CPO: variants seen among roughly 807,000 people sequenced by gnomAD.
The protein encoded by CPO is carboxypeptidase O, also known as metallocarboxypeptidase C.
CPO carries 43 observed loss-of-function variants against 41.2 expected under a neutral mutation model. The observed-to-expected ratio is 1.04, with a 90% confidence interval of 0.82 to 1.35. The LOEUF is 1.35. CPO is among the 40% of genes most tolerant of loss of function. The probability of loss-of-function intolerance (pLI) is 0.00; values close to 1 mark genes in which losing one functional copy is unlikely to be tolerated. For missense variants in CPO, 408 were observed against 451.7 expected (o/e 0.90, Z 0.88); for synonymous variants, 178 against 162.7 (o/e 1.09, Z -0.72).
chr2:206,958,900 C>T (rs1693425696), intron 4 of CPO, among the ~76,000 whole-genome samples: 1 of 151,722 alleles, frequency 6.6e-6, no homozygotes, highest in African/African-American at 2.4e-5. Context: ...CACCACCATG[C>T]CCAGCTAATT....
chr2:206,968,096 T>C (rs948028773), intron 7 of CPO, among the ~76,000 whole-genome samples, 167 bp from the exon 8 acceptor site: 2 of 152,146 alleles, frequency 1.3e-5, no homozygotes, highest in African/African-American at 4.8e-5. Flanking sequence ...CTGGATAAAG[T>C]GTGCTGAATC....
At chr2:206,942,796 G>A (rs1693053395) in intron 1 of CPO, among the ~76,000 whole-genome samples, 1 of 152,140 alleles carries the variant, frequency 6.6e-6, no homozygotes, top group South Asian at 2.1e-4. Flanking sequence ...TAGAAACAGA[G>A]AATAGCCTTT....
At chr2:206,946,628 T>A (rs376029233) in intron 1 of CPO, among the ~76,000 whole-genome samples, 2 of 151,896 alleles carry the variant, frequency 1.3e-5, no homozygotes, top group Admixed American at 6.6e-5. Context: ...GACAAGAAAA[T>A]AAAATAAAAA....
chr2:206,958,450 A>G, intron 4 of CPO, 45 bp downstream of exon 4: 1 of 1,043,768 alleles, frequency 9.6e-7, no homozygotes, highest in Non-Finnish European at 1.4e-6. Flanking sequence ...ACCCCCATAA[A>G]ATATCTGTCA....
intron 1 of CPO, among the ~76,000 whole-genome samples, chr2:206,940,461 A>G (rs1693007762): frequency 6.6e-6 from 1 of 152,092 alleles, no homozygotes; most frequent in Non-Finnish European, 1.5e-5. Flanking sequence ...TAAAAAATAC[A>G]CATTGTTGAC....
At chr2:206,957,610 G>GT (rs1693394615) in intron 3 of CPO, among the ~76,000 whole-genome samples, 1 of 152,136 alleles carries the variant, frequency 6.6e-6, no homozygotes, top group African/African-American at 2.4e-5. Flanking sequence ...CAAAACAGAT[G>GT]TGACTGTTCC....
Position 206,939,913 on chromosome 2 carries a change from G to A in CPO, c.68+246G>A, listed in dbSNP as rs533336364. 2.0e-5 allele frequency among the ~76,000 whole-genome samples: 3 copies of A among 152,024 alleles called. No homozygotes were observed. In the East Asian group the frequency reaches 5.8e-4, roughly 29 times the overall value. Reference sequence around the variant, plus strand: ...ACACAATGCATGAGATATACAAATAGACATGTCATGTTTTGTGATTGGAAA... The same window carrying A: ...ACACAATGCATGAGATATACAAATAAACATGTCATGTTTTGTGATTGGAAA... On this transcript the variant is annotated intron_variant, in intron 1 of 8. Coordinates refer to ENST00000272852, the MANE Select transcript of CPO (RefSeq NM_173077.3).
At chr2:206,943,415 A>G (rs1693064918) in intron 1 of CPO, among the ~76,000 whole-genome samples, 1 of 152,090 alleles carries the variant, frequency 6.6e-6, no homozygotes, top group African/African-American at 2.4e-5. Context: ...TCCTCTTTCC[A>G]TTCTGAGAAA....
Position 206,960,751 on chromosome 2 carries a change from T to C in CPO, c.484-101T>C, listed in dbSNP as rs1158240416. On this transcript the variant is annotated intron_variant, in intron 5 of 8. Transcript: ENST00000272852. The stretch of plus-strand genomic sequence containing the variant: ...GTTAAAGGGAAGTTCTTCCAGATAA[T>C]CCTAGGAAACATTTTTCATGTTCAA... 5 of 855,936 alleles carry C rather than the reference T, an allele frequency of 5.8e-6. No homozygotes were observed. In the East Asian group the frequency reaches 1.2e-4, roughly 21 times the overall value. 53.0% of individuals were successfully genotyped at this position (855,936 alleles called of 1,614,324 possible). A position where few individuals can be genotyped will look rare whatever the true frequency, so the allele number is the denominator to read the frequency against.
intron 1 of CPO, among the ~76,000 whole-genome samples, chr2:206,942,470 T>G (rs1693047748): frequency 6.6e-6 from 1 of 152,152 alleles, no homozygotes; most frequent in African/African-American, 2.4e-5. Context: ...CATGAAATAT[T>G]CATGTAACTA....
chr2:206,958,440 AC>A, intron 4 of CPO, 35 bp downstream of exon 4: 1 of 1,155,292 alleles, frequency 8.7e-7, no homozygotes, highest in Non-Finnish European at 1.3e-6. Context: ...CTGGTAAATC[AC>A]CCCCATAAAA....
At chr2:206,957,131 A>C (rs1335685912) in intron 3 of CPO, among the ~76,000 whole-genome samples, 2 of 152,172 alleles carry the variant, frequency 1.3e-5, no homozygotes, top group Non-Finnish European at 2.9e-5. Flanking sequence ...TAATCCCAGC[A>C]CTTTGGGAGG....
At chr2:206,962,712 T>G in intron 7 of CPO, 98 bp downstream of exon 7, 1 of 930,986 alleles carries the variant, frequency 1.1e-6, no homozygotes, top group South Asian at 1.4e-5. Flanking sequence ...CCAGCCACCC[T>G]TTTGTTCTCT....
chr2:206,953,719 C>A (rs1312077456), intron 2 of CPO, among the ~76,000 whole-genome samples: 1 of 152,248 alleles, frequency 6.6e-6, no homozygotes, highest in Non-Finnish European at 1.5e-5. Context: ...AGTGGAGTTC[C>A]AACCCCACAT....
At chr2:206,965,752 G>C (rs189057510) in intron 7 of CPO, among the ~76,000 whole-genome samples, 1 of 152,168 alleles carries the variant, frequency 6.6e-6, no homozygotes, top group Admixed American at 6.5e-5. Context: ...TAAGCGGGCC[G>C]GAGGTTTTTA....
chr2:206,941,393 A>T (rs1574343605), intron 1 of CPO, among the ~76,000 whole-genome samples: 1 of 152,130 alleles, frequency 6.6e-6, no homozygotes, highest in Non-Finnish European at 1.5e-5. Context: ...TACTTTAAAA[A>T]ATAAAATAAA....
At chr2:206,956,335 T>C (rs1378836423) in intron 3 of CPO, among the ~76,000 whole-genome samples, 2 of 152,152 alleles carry the variant, frequency 1.3e-5, no homozygotes, top group African/African-American at 4.8e-5. Flanking sequence ...CTCTAGGTGA[T>C]CCTAATGTGT....
intron 1 of CPO, among the ~76,000 whole-genome samples, chr2:206,949,266 G>T (rs998772186): frequency 6.6e-6 from 1 of 152,102 alleles, no homozygotes. Flanking sequence ...GATTTAAATT[G>T]CTTAGAACAG....
At chr2:206,966,581 G>A (rs1343100092) in intron 7 of CPO, among the ~76,000 whole-genome samples, 3 of 151,988 alleles carry the variant, frequency 2.0e-5, no homozygotes, top group Non-Finnish European at 2.9e-5. Flanking sequence ...GCCTCCCAGT[G>A]TAAATGATTA....
Sources: gnomAD v4.1 joint callset for allele counts (sites outside exome capture counted in the v4.1 genomes callset) on GRCh38, gnomAD v4.1.1 for gene constraint, MANE v1.5 for transcripts, NCBI Gene and HGNC (gene_info 2026-07-23, HGNC 2026-07-21) for gene names.